GALNT13: variants seen among roughly 807,000 people sequenced by gnomAD.
GALNT13 encodes the protein polypeptide N-acetylgalactosaminyltransferase 13.
Under a neutral mutation model 64.2 loss-of-function variants are expected in GALNT13, and 28 were observed. The ratio of observed to expected loss-of-function variants is 0.44; its 90% CI spans 0.32 to 0.60. The LOEUF (loss-of-function observed/expected upper bound fraction) is 0.60, where lower values mean the gene tolerates loss of function less well. Ranked by LOEUF, GALNT13 falls within the 20% of genes least tolerant of loss-of-function variation. GALNT13 has a pLI of 0.05. For missense variants in GALNT13, 577 were observed against 669.8 expected, an observed-to-expected ratio of 0.86 and a Z score of 1.53; for synonymous variants, 214 against 224.6, an observed-to-expected ratio of 0.95 and a Z score of 0.42.
At chr2:153,969,715 A>G (rs1693615849) in intron 3 of GALNT13, among the ~76,000 whole-genome samples, 2 of 152,188 alleles carry the variant, frequency 1.3e-5, no homozygotes, top group African/African-American at 4.8e-5. Context: ...AAGGGATGAT[A>G]AAAGTTTAAA....
At chr2:153,276,963 T>G in the GALNT13 span, among the ~76,000 whole-genome samples, 1 of 152,184 alleles carries the variant, frequency 6.6e-6, no homozygotes, top group Non-Finnish European at 1.5e-5. Context: ...ATTAGTTTGT[T>G]TTTCCAGACA....
the GALNT13 span, among the ~76,000 whole-genome samples, chr2:153,287,700 C>T: frequency 2.0e-5 from 3 of 152,120 alleles, no homozygotes; most frequent in Non-Finnish European, 4.4e-5. Flanking sequence ...TCTTGACCTC[C>T]AACTGCTTGT....
At chr2:153,150,990 TC>T in the GALNT13 span, among the ~76,000 whole-genome samples, 1 of 152,052 alleles carries the variant, frequency 6.6e-6, no homozygotes, top group East Asian at 1.9e-4. Context: ...TTTAGTTTTT[TC>T]CAATTCTGTG....
chr2:153,332,140 T>C, the GALNT13 span, among the ~76,000 whole-genome samples: 310 of 152,318 alleles, frequency 2.0e-3, no homozygotes, highest in Non-Finnish European at 3.4e-3. Flanking sequence ...TTTGTTGCGT[T>C]GATTCTTTGT....
chr2:154,102,095 G>T (rs976920905), intron 3 of GALNT13, among the ~76,000 whole-genome samples: 9 of 152,166 alleles, frequency 5.9e-5, no homozygotes, highest in Non-Finnish European at 1.3e-4. Flanking sequence ...TTACACAGAT[G>T]ACAAAAATGT....
chr2:153,596,894 G>A, the GALNT13 span, among the ~76,000 whole-genome samples: 1 of 151,976 alleles, frequency 6.6e-6, no homozygotes, highest in African/African-American at 2.4e-5. Flanking sequence ...ATTAAAATAT[G>A]CTTTTGAACA....
the GALNT13 span, among the ~76,000 whole-genome samples, chr2:153,609,016 A>C: frequency 2.7e-5 from 4 of 150,452 alleles, no homozygotes; most frequent in Non-Finnish European, 4.4e-5. Flanking sequence ...TTCAGGGCTC[A>C]GGCCATGCTC....
At chr2:154,201,461 G>T (rs1443494874) in intron 4 of GALNT13, among the ~76,000 whole-genome samples, 1 of 152,046 alleles carries the variant, frequency 6.6e-6, no homozygotes, top group Non-Finnish European at 1.5e-5. Flanking sequence ...AGCAATCATG[G>T]CAAGAAGACA....
At chr2:153,736,660 C>A in the GALNT13 span, among the ~76,000 whole-genome samples, 1 of 152,142 alleles carries the variant, frequency 6.6e-6, no homozygotes, top group African/African-American at 2.4e-5. Flanking sequence ...ATCTATTTCT[C>A]TATCATCTAT....
chr2:153,124,103 C>G, the GALNT13 span, among the ~76,000 whole-genome samples: 1 of 152,174 alleles, frequency 6.6e-6, no homozygotes, highest in Non-Finnish European at 1.5e-5. Flanking sequence ...TAGCAAGGAA[C>G]TGAGGGTAGC....
the GALNT13 span, among the ~76,000 whole-genome samples, chr2:153,621,762 C>T: frequency 5.3e-3 from 802 of 152,122 alleles, 7 homozygotes; most frequent in African/African-American, 0.018. Flanking sequence ...GCCAGATTAC[C>T]AGCCAGTGTT....
the GALNT13 span, among the ~76,000 whole-genome samples, chr2:153,854,504 C>T: frequency 5.3e-5 from 8 of 152,004 alleles, no homozygotes; most frequent in African/African-American, 1.9e-4. Flanking sequence ...TCACTTGAAC[C>T]CGGGAGGTGG....
intron 9 of GALNT13, among the ~76,000 whole-genome samples, chr2:154,381,573 G>A (rs1698272710): frequency 6.6e-6 from 1 of 152,052 alleles, no homozygotes; most frequent in South Asian, 2.1e-4. Flanking sequence ...AGGACAGTGT[G>A]TAACATAAGA....
intron 4 of GALNT13, among the ~76,000 whole-genome samples, chr2:154,207,060 T>A (rs1193100268): frequency 6.6e-6 from 1 of 152,164 alleles, no homozygotes; most frequent in Non-Finnish European, 1.5e-5. Flanking sequence ...CTACCAGAGA[T>A]GATTAAATAT....
the GALNT13 span, among the ~76,000 whole-genome samples, chr2:153,821,515 A>T: frequency 6.6e-6 from 1 of 152,208 alleles, no homozygotes; most frequent in Non-Finnish European, 1.5e-5. Context: ...ATTAAGGCAG[A>T]AATCAAAAAA....
chr2:153,484,473 A>G, the GALNT13 span, among the ~76,000 whole-genome samples: 7 of 152,232 alleles, frequency 4.6e-5, no homozygotes, highest in African/African-American at 1.7e-4. Flanking sequence ...TTTTAGGATG[A>G]GTTTACAAAT....
At chr2:153,726,412 C>A in the GALNT13 span, among the ~76,000 whole-genome samples, 1 of 151,642 alleles carries the variant, frequency 6.6e-6, no homozygotes, top group East Asian at 1.9e-4. Context: ...CTTCATGTAG[C>A]CATAATTTGA....
the GALNT13 span, among the ~76,000 whole-genome samples, chr2:153,446,185 A>T: frequency 7.0e-4 from 106 of 152,302 alleles, no homozygotes; most frequent in African/African-American, 2.5e-3. Context: ...GTTAGGCAAA[A>T]GTAGAAATAA....
the GALNT13 span, among the ~76,000 whole-genome samples, chr2:153,476,981 A>G: frequency 6.6e-6 from 1 of 152,132 alleles, no homozygotes; most frequent in Non-Finnish European, 1.5e-5. Context: ...TCTTCCTTTC[A>G]TTAGCGGTGT....
Sources: gnomAD v4.1 joint callset for allele counts (sites outside exome capture counted in the v4.1 genomes callset) on GRCh38, gnomAD v4.1.1 for gene constraint, MANE v1.5 for transcripts, NCBI Gene and HGNC (gene_info 2026-07-23, HGNC 2026-07-21) for gene names.